FHL2: variants seen among roughly 807,000 people sequenced by gnomAD.
The protein encoded by FHL2 is four and a half LIM domains 2, also known as four and a half LIM domains protein 2.
FHL2 carries 20 observed loss-of-function variants against 32.7 expected under a neutral mutation model. The observed-to-expected ratio is 0.61, with a 90% CI of 0.43 to 0.89. The LOEUF (loss-of-function observed/expected upper bound fraction) is 0.89, where lower values mean the gene tolerates loss of function less well. FHL2 is among the 40% of genes least tolerant of loss of function. FHL2 has a pLI of 0.00. For synonymous variants in FHL2, 123 were observed against 128.1 expected (o/e 0.96, Z 0.27); for missense variants, 311 against 358.6 (o/e 0.87, Z 1.07).
intron 1 of FHL2, among the ~76,000 whole-genome samples, chr2:105,429,162 A>G (rs1384228791): frequency 6.6e-6 from 1 of 152,148 alleles, no homozygotes; most frequent in Non-Finnish European, 1.5e-5. Context: ...CACAAGGGGG[A>G]AAAAGGACTT....
At chr2:105,410,225 C>T (rs1558725281) in intron 1 of FHL2, among the ~76,000 whole-genome samples, 1 of 152,248 alleles carries the variant, frequency 6.6e-6, no homozygotes, top group South Asian at 2.1e-4. Context: ...GCCGGAGAGG[C>T]AGCTTGCCAG....
upstream of FHL2, among the ~76,000 whole-genome samples, chr2:105,401,261 A>G (rs1280806630): frequency 6.6e-6 from 1 of 152,114 alleles, no homozygotes; most frequent in Non-Finnish European, 1.5e-5. Flanking sequence ...CTTGCTTTTC[A>G]AGAACAGTGC....
intron 4 of FHL2, among the ~76,000 whole-genome samples, chr2:105,372,351 G>A (rs1252101513): frequency 2.6e-5 from 4 of 151,556 alleles, no homozygotes; most frequent in Admixed American, 2.0e-4. Context: ...TCAGCCTCCC[G>A]AGTAGCTGGG....
At chr2:105,430,405 G>T (rs546391023) in intron 1 of FHL2, among the ~76,000 whole-genome samples, 2 of 152,172 alleles carry the variant, frequency 1.3e-5, no homozygotes, top group African/African-American at 4.8e-5. Flanking sequence ...GGTGGCTCAC[G>T]CCTGTAATCC....
chr2:105,376,655 C>A (rs967047809), intron 3 of FHL2: 4 of 152,158 alleles, frequency 2.6e-5, no homozygotes, highest in African/African-American at 9.7e-5. Flanking sequence ...AGCAATTGTA[C>A]TTTTGGATAT....
At chr2:105,370,922 G>A (rs1220706141) in intron 4 of FHL2, among the ~76,000 whole-genome samples, 2 of 152,096 alleles carry the variant, frequency 1.3e-5, no homozygotes, top group East Asian at 1.9e-4. Context: ...GTGCTCAGGG[G>A]CTGGAAGCTG....
rs766323154 is a variant in FHL2 at position 105,367,709 on chromosome 2, C to T, written c.362G>A (p.Ser121Asn). Residue 121 changes from serine to asparagine, a missense_variant, in exon 5 of 7, where the codon AGC becomes AAC. Coordinates refer to ENST00000530340, the MANE Select transcript of FHL2 (RefSeq NM_001318895.3). ...GCAGATGAAGCAGGTCTCATGCCAG[C>T]TGCTGCCCTTGTACTCCATCTTGCG... The part of the protein sequence containing the change: ...GTRKMEYKGS[S>N]WHETCFICHR... 1.2e-6 allele frequency: 2 copies of T among 1,614,148 alleles called. No individual in the cohort carries two copies. The highest frequency in any genetic ancestry group is 4.5e-5 in the East Asian group (2 of 44,886).
intron 2 of FHL2, among the ~76,000 whole-genome samples, chr2:105,391,967 T>C (rs1682767731): frequency 6.6e-6 from 1 of 152,220 alleles, no homozygotes; most frequent in Non-Finnish European, 1.5e-5. Context: ...CTGGAGTTCT[T>C]ATTCCTCACC....
intron 3 of FHL2, among the ~76,000 whole-genome samples, chr2:105,384,997 A>G (rs778975007): frequency 5.3e-5 from 8 of 152,260 alleles, no homozygotes; most frequent in Non-Finnish European, 1.2e-4. Context: ...TGAGACACGC[A>G]GCAGGCAAGA....
chr2:105,414,161 T>C (rs892870156), intron 1 of FHL2, among the ~76,000 whole-genome samples: 11 of 152,142 alleles, frequency 7.2e-5, no homozygotes, highest in African/African-American at 2.7e-4. Context: ...ATGAAGATAT[T>C]GTGAGGGATA....
chr2:105,374,152 T>C (rs1428028064), intron 3 of FHL2: 2 of 255,702 alleles, frequency 7.8e-6, no homozygotes, highest in Admixed American at 1.0e-4. Context: ...ATCACTGTGG[T>C]CACCGGCATG....
intron 5 of FHL2, among the ~76,000 whole-genome samples, chr2:105,365,643 TG>T (rs1680575251): frequency 6.8e-6 from 1 of 147,526 alleles, no homozygotes; most frequent in Non-Finnish European, 1.5e-5. Flanking sequence ...GTGACCAGTC[TG>T]GCCAACAAAG....
At chr2:105,413,579 TC>T (rs1018079116) in intron 1 of FHL2, among the ~76,000 whole-genome samples, 2 of 152,156 alleles carry the variant, frequency 1.3e-5, no homozygotes, top group Non-Finnish European at 2.9e-5. Flanking sequence ...GCTCAGGTGA[TC>T]CTCCCACCTC....
At chr2:105,393,825 C>T (rs1682912938) in intron 2 of FHL2, among the ~76,000 whole-genome samples, 1 of 152,262 alleles carries the variant, frequency 6.6e-6, no homozygotes, top group Non-Finnish European at 1.5e-5. Flanking sequence ...GTCCCTCCTT[C>T]CAGATAAGCT....
At position 105,363,453 on chromosome 2, in the gene FHL2, C is replaced by A. The variant is rs1396311516; in HGVS notation, c.520G>T (p.Val174Phe). 2 of 1,609,976 alleles carry A rather than the reference C, an allele frequency of 1.2e-6. No individual in the cohort carries two copies. Among genetic ancestry groups the A allele is most frequent in the East Asian group, 2.2e-5 (1 of 44,776 alleles). The change falls in exon 6 of 7, where the codon GTC becomes TTC. Residue 174 changes from valine (V) to phenylalanine (F), a missense_variant. Transcript: ENST00000530340. The stretch of plus-strand genomic sequence containing the variant: ...TGCCAGGGCTGCTCCCGGTAAGTGA[C>A]CCCTCCCGTGGTGATGGGCTGCAGG... ...QCKKPITTGGVTYREQPWHKE... is the reference protein window; with the variant it reads ...QCKKPITTGGFTYREQPWHKE...
intron 6 of FHL2, 44 bp downstream of exon 6, chr2:105,363,241 A>G: frequency 6.3e-7 from 1 of 1,599,786 alleles, no homozygotes; most frequent in Non-Finnish European, 8.6e-7. Flanking sequence ...GGCCTTGTTC[A>G]AGCTTCCAAT....
intron 4 of FHL2, among the ~76,000 whole-genome samples, chr2:105,369,268 TATAG>T (rs1328493679): frequency 6.6e-6 from 1 of 152,162 alleles, no homozygotes; most frequent in Non-Finnish European, 1.5e-5. Context: ...ACAGGTGGCT[TATAG>T]GAGTCTATAG....
At chr2:105,434,633 G>A (rs1415002086) in intron 1 of FHL2, among the ~76,000 whole-genome samples, 2 of 151,914 alleles carry the variant, frequency 1.3e-5, no homozygotes, top group Non-Finnish European at 1.5e-5. Context: ...TGCACCCTCG[G>A]CAATGAATAA....
intron 3 of FHL2, among the ~76,000 whole-genome samples, chr2:105,380,558 C>T (rs1016393842): frequency 2.6e-5 from 4 of 152,134 alleles, no homozygotes; most frequent in African/African-American, 9.7e-5. Context: ...AGAAAAGCTC[C>T]AAACCGATTT....
Sources: allele counts gnomAD v4.1 joint callset (sites outside exome capture counted in the v4.1 genomes callset), GRCh38; gene constraint gnomAD v4.1.1; transcripts MANE v1.5; gene names NCBI Gene and HGNC (gene_info 2026-07-23, HGNC 2026-07-21).